ZNF469: variants seen among roughly 807,000 people sequenced by gnomAD.
The protein encoded by ZNF469 is zinc finger protein 469.
ZNF469 carries 1 observed loss-of-function variant against 1.0 expected under a neutral mutation model. That is an observed-to-expected ratio of 1.00 (90% CI 0.35 to 4.73). ZNF469 has a LOEUF of 4.73. Among genes scored for constraint, ZNF469 ranks in the 30% most tolerant of loss-of-function variants. The pLI is 0.16. For missense variants in ZNF469, 6,100 were observed against 5,356.3 expected (o/e 1.14, Z -4.33); for synonymous variants, 2,703 against 2,363.4 (o/e 1.14, Z -4.17).
the ZNF469 span, among the ~76,000 whole-genome samples, chr16:88,173,162 G>C: frequency 6.6e-6 from 1 of 152,126 alleles, no homozygotes; most frequent in Non-Finnish European, 1.5e-5. Flanking sequence ...CCACATCAAG[G>C]CATGTTATAA....
the ZNF469 span, among the ~76,000 whole-genome samples, chr16:88,108,138 G>A: frequency 9.2e-5 from 10 of 109,108 alleles, no homozygotes; most frequent in African/African-American, 1.1e-4. Context: ...CACGTCTGTG[G>A]GGATGTGGGG....
chr16:88,230,097 C>T, the ZNF469 span, among the ~76,000 whole-genome samples: 7 of 152,374 alleles, frequency 4.6e-5, no homozygotes, highest in African/African-American at 1.7e-4. Context: ...CATCTGCTCT[C>T]CATCAGGAAG....
At chr16:88,325,722 T>C in the ZNF469 span, among the ~76,000 whole-genome samples, 6 of 152,216 alleles carry the variant, frequency 3.9e-5, no homozygotes, top group Admixed American at 6.5e-5. Flanking sequence ...AAGTCTGCAG[T>C]GGGGCCAGGA....
chr16:88,430,914 G>A lies in ZNF469; in HGVS notation c.3444G>A (p.Gly1148=). Residue 1148 remains glycine (G), a synonymous_variant, in exon 3 of 3, where the codon GGG becomes GGA. Transcript: ENST00000565624. ...PRKAARQEAG[G]DGAPANPEEP... ...AGGCGGCGAGGCAGGAAGCCGGCGGGGACGGAGCCCCCGCGAACCCCGAGG... is the reference window on the plus strand; with the variant it reads ...AGGCGGCGAGGCAGGAAGCCGGCGGAGACGGAGCCCCCGCGAACCCCGAGG... 2.6e-6 allele frequency: 4 copies of A among 1,537,184 alleles called. No homozygotes were observed. The highest frequency in any genetic ancestry group is 2.0e-5 in the Admixed American group (1 of 50,776).
the ZNF469 span, among the ~76,000 whole-genome samples, chr16:88,248,894 T>C: frequency 6.6e-6 from 1 of 152,150 alleles, no homozygotes; most frequent in South Asian, 2.1e-4. Flanking sequence ...ATGATCTCTC[T>C]GTGTGCGCAC....
At chr16:88,374,594 T>G in the ZNF469 span, among the ~76,000 whole-genome samples, 1 of 152,212 alleles carries the variant, frequency 6.6e-6, no homozygotes, top group Non-Finnish European at 1.5e-5. Context: ...AAGTCCATGT[T>G]TATTCCTGAC....
chr16:88,135,160 G>A, the ZNF469 span, among the ~76,000 whole-genome samples: 3 of 152,218 alleles, frequency 2.0e-5, no homozygotes, highest in Non-Finnish European at 4.4e-5. Flanking sequence ...CTGCGGACCC[G>A]AGCATTCCGT....
At chr16:88,349,861 A>ACTTCACACACTAGACACAAATATG in the ZNF469 span, among the ~76,000 whole-genome samples, 1 of 8,192 alleles carries the variant, frequency 1.2e-4, no homozygotes, top group African/African-American at 5.1e-4. Flanking sequence ...AAGTGCACAC[A>ACTTCACACACTAGACACAAATATG]CACCATGCAC....
the ZNF469 span, among the ~76,000 whole-genome samples, chr16:88,195,797 CT>C: frequency 6.6e-6 from 1 of 152,354 alleles, no homozygotes; most frequent in Non-Finnish European, 1.5e-5. Context: ...GTCCCCCACC[CT>C]GAGCTGTCTC....
the ZNF469 span, among the ~76,000 whole-genome samples, chr16:88,161,174 C>A: frequency 3.0e-5 from 4 of 134,492 alleles, no homozygotes; most frequent in Admixed American, 7.4e-5. Flanking sequence ...AAAAAAAAAA[C>A]GGGCTTTATT....
At chr16:88,405,265 A>T (rs1904995187) in intron 1 of ZNF469, among the ~76,000 whole-genome samples, 1 of 148,504 alleles carries the variant, frequency 6.7e-6, no homozygotes, top group Admixed American at 6.6e-5. Context: ...GGCCTCATAC[A>T]GGACGAGGCT....
chr16:88,225,757 A>T, the ZNF469 span, among the ~76,000 whole-genome samples: 1 of 152,190 alleles, frequency 6.6e-6, no homozygotes, highest in East Asian at 1.9e-4. Context: ...AACACTGCCT[A>T]TGAACCAGGA....
chr16:88,433,546 C>T lies in ZNF469; in HGVS notation c.6076C>T (p.Leu2026=). The T allele has an allele frequency of 6.5e-7, 1 of 1,550,288 alleles. No homozygotes were observed. The highest frequency in any genetic ancestry group is 8.7e-7 in the Non-Finnish European group (1 of 1,146,920). ...ASVNASPKTA[L]TGPTEGAVLL... The stretch of plus-strand genomic sequence containing the variant: ...AGTCAATGCCAGTCCCAAAACAGCG[C>T]TGACCGGCCCCACCGAGGGTGCAGT... The change falls in exon 3 of 3, where the codon CTG becomes TTG. Residue 2026 remains leucine (L), a synonymous_variant. Transcript: ENST00000565624.
chr16:88,162,616 C>T, the ZNF469 span, among the ~76,000 whole-genome samples: 1 of 151,924 alleles, frequency 6.6e-6, no homozygotes, highest in South Asian at 2.1e-4. Context: ...ACACAAATGT[C>T]AGAAAATAAA....
At chr16:88,220,257 C>G in the ZNF469 span, among the ~76,000 whole-genome samples, 2 of 152,298 alleles carry the variant, frequency 1.3e-5, no homozygotes, top group East Asian at 3.9e-4. Context: ...TGCAGGCTCC[C>G]TTGTGTGAAC....
chr16:88,403,437 G>T (rs1904939294), intron 1 of ZNF469, among the ~76,000 whole-genome samples: 1 of 152,154 alleles, frequency 6.6e-6, no homozygotes, highest in Non-Finnish European at 1.5e-5. Flanking sequence ...GCAGGTCACT[G>T]CTCTCCCAGG....
the ZNF469 span, among the ~76,000 whole-genome samples, chr16:88,168,912 A>C: frequency 6.6e-6 from 1 of 150,394 alleles, no homozygotes; most frequent in East Asian, 2.0e-4. This position sits in a 1 kb window ranked among gnomAD's most constrained non-coding sequence, Gnocchi z 4.3. Context: ...CCTGGACAAC[A>C]TAGTGAGACC....
rs999643267 is a variant in ZNF469, at chr16:88,437,619, C to T, written c.10149C>T (p.His3383=). The T allele has an allele frequency of 6.5e-7, 1 of 1,540,356 alleles. No individual in the cohort carries two copies. Among genetic ancestry groups the T allele is most frequent in the Non-Finnish European group, 8.8e-7 (1 of 1,139,668 alleles). Reference sequence around the variant, plus strand: ...CCGAGCACGGGGAGCTGCTGGCACACCTGGGCGGGGCGCACGGGCTGCTGG... The same window carrying T: ...CCGAGCACGGGGAGCTGCTGGCACATCTGGGCGGGGCGCACGGGCTGCTGG... ...VYPEHGELLA[H]LGGAHGLLER... The change falls in exon 3 of 3, where the codon CAC becomes CAT. Residue 3383 remains histidine (H), a synonymous_variant. Transcript: ENST00000565624.
At chr16:88,331,916 C>T in the ZNF469 span, among the ~76,000 whole-genome samples, 2 of 152,206 alleles carry the variant, frequency 1.3e-5, no homozygotes, top group Non-Finnish European at 2.9e-5. Context: ...GCTCAGGATG[C>T]AGGCTTTAGG....
Sources: allele counts gnomAD v4.1 joint callset (sites outside exome capture counted in the v4.1 genomes callset), GRCh38; gene constraint gnomAD v4.1.1; non-coding constraint Gnocchi (gnomAD v3.1); transcripts MANE v1.5; gene names NCBI Gene and HGNC (gene_info 2026-07-23, HGNC 2026-07-21).